CEP89: variants seen among roughly 807,000 people sequenced by gnomAD.
The protein encoded by CEP89 is centrosomal protein 89.
In CEP89, 95 loss-of-function variants were observed where a neutral mutation model predicts 97.6. The observed-to-expected ratio is 0.97, with a 90% CI of 0.82 to 1.15. The LOEUF is 1.15. Among genes scored for constraint, CEP89 ranks in the 50% most tolerant of loss-of-function variants. CEP89 has a pLI of 0.00. For synonymous variants in CEP89, 354 were observed against 349.1 expected (o/e 1.01, Z -0.16); for missense variants, 869 against 947.7 (o/e 0.92, Z 1.09).
intron 10 of CEP89, 101 bp from the exon 11 acceptor site, chr19:32,926,374 C>G: frequency 1.2e-6 from 1 of 839,050 alleles, no homozygotes; most frequent in Admixed American, 2.1e-5. Flanking sequence ...GAAATGGTTT[C>G]TTTGGTTGCA....
chr19:32,933,595 T>C lies in CEP89; in HGVS notation c.742A>G (p.Met248Val), dbSNP rs759108044. The change falls in exon 8 of 19, where the codon ATG (methionine) becomes GTG (valine). Residue 248 changes from methionine (M) to valine (V), a missense_variant. By Grantham distance (21) the Met-to-Val change is conservative (BLOSUM62 1). Coordinates refer to ENST00000305768, the MANE Select transcript of CEP89 (RefSeq NM_032816.5). ...EKFEALKEEN[M>V]DLNNMNQSLT... ...CTTTGATTCATATTGTTTAGGTCCA[T>C]ATTTTCTTCTTTTAATGCCTCAAAC... The C allele has an allele frequency of 6.2e-6, 10 of 1,613,374 alleles. No individual in the cohort carries two copies. In the Admixed American group the frequency reaches 1.3e-4, roughly 22 times the overall value.
intron 16 of CEP89, among the ~76,000 whole-genome samples, chr19:32,898,047 G>A (rs539680869): frequency 6.7e-6 from 1 of 149,966 alleles, no homozygotes; most frequent in Admixed American, 6.6e-5. Flanking sequence ...CACAGGCAAG[G>A]AAATCAGTAT....
chr19:32,918,884 CTTT>C (rs11339528), intron 12 of CEP89, among the ~76,000 whole-genome samples: 6 of 117,642 alleles, frequency 5.1e-5, no homozygotes, highest in Non-Finnish European at 6.9e-5. Context: ...TTTTCTTTTT[CTTT>C]TTTTTTTTTT....
chr19:32,904,566 T>C (rs4805016), intron 14 of CEP89, among the ~76,000 whole-genome samples: 31,570 of 151,290 alleles, frequency 0.21, 3,475 homozygotes, highest in Admixed American at 0.32. Flanking sequence ...TATCATTACC[T>C]TAGTTTTCAA....
intron 3 of CEP89, among the ~76,000 whole-genome samples, chr19:32,959,052 A>C (rs1033403842): frequency 5.3e-5 from 8 of 151,756 alleles, no homozygotes; most frequent in South Asian, 2.1e-4. Context: ...AAAACAAAAA[A>C]AAAAAAAACA....
intron 14 of CEP89, among the ~76,000 whole-genome samples, chr19:32,914,725 AG>A (rs2145906142): frequency 6.6e-6 from 1 of 152,286 alleles, no homozygotes; most frequent in African/African-American, 2.4e-5. Context: ...AGTTATTAAA[AG>A]AAAAAAAAAG....
At position 32,936,628 on chromosome 19, in the gene CEP89, T is replaced by C. The variant is rs139305389; in HGVS notation, c.667+1003A>G. Among the ~76,000 whole-genome samples, 429 of 152,172 alleles carry C rather than the reference T, an allele frequency of 2.8e-3. 3 individuals are homozygous for C. The highest frequency in any genetic ancestry group is 9.7e-3 in the African/African-American group (401 of 41,528). ...AGGCCCATAAAAGCCCTGGGCTTAG[T>C]TGGAGCAGAGCAGATGAGATGACCA... On this transcript the variant is annotated intron_variant, in intron 7 of 18. Transcript: ENST00000305768. This position sits in a 1 kb window ranked among gnomAD's most constrained non-coding sequence, Gnocchi z 4.5.
At chr19:32,961,496 G>A (rs558199142) in intron 2 of CEP89, among the ~76,000 whole-genome samples, 5 of 148,928 alleles carry the variant, frequency 3.4e-5, no homozygotes, top group South Asian at 2.1e-4. Context: ...GGAGAATGGC[G>A]TGAACCTGGG....
chr19:32,921,505 C>T (rs907182239), intron 12 of CEP89, among the ~76,000 whole-genome samples: 8 of 152,242 alleles, frequency 5.3e-5, no homozygotes, highest in African/African-American at 1.9e-4. Context: ...GATTTCAAAT[C>T]CCAACAAATG....
intron 9 of CEP89, 32 bp from the exon 10 acceptor site, chr19:32,927,016 A>G (rs753040328): frequency 6.4e-7 from 1 of 1,569,572 alleles, no homozygotes; most frequent in Non-Finnish European, 8.8e-7. Context: ...AAGACAAGTT[A>G]AACCACACTT....
chr19:32,948,361 A>G lies in CEP89; in HGVS notation c.500T>C (p.Leu167Ser), dbSNP rs925013376. ...YAVPHRNQVP[L>S]LHEVNSEDDE... ...GTCTTCACTGTTCACCTCATGTAAC[A>G]ATGGCACCTTTTTGTTATAAAAGAC... Residue 167 changes from leucine to serine, a missense_variant, in exon 5 of 19, where the codon TTG becomes TCG. By Grantham distance (145) the Leu-to-Ser change is moderately radical (BLOSUM62 -2). Transcript: ENST00000305768. 1 of 1,600,512 alleles carries G rather than the reference A, an allele frequency of 6.2e-7. No homozygotes were observed. The highest frequency in any genetic ancestry group is 8.5e-7 in the Non-Finnish European group (1 of 1,173,136).
At position 32,890,581 on chromosome 19, in the gene CEP89, G is replaced by A. The variant is rs531682184; in HGVS notation, c.1876-2740C>T. 2.2e-4 allele frequency among the ~76,000 whole-genome samples: 34 copies of A among 152,228 alleles called. 1 individual carries two copies. The South Asian group carries it at 5.4e-3, about 24-fold the overall frequency. On this transcript the variant is annotated intron_variant, in intron 16 of 18. Coordinates refer to ENST00000305768, the MANE Select transcript of CEP89 (RefSeq NM_032816.5). Reference sequence around the variant, plus strand: ...GACAGGGGAGGGCTGGGCGGCACCCGCGCAATGAAGGAGAGGGAGACGACA... The same window carrying A: ...GACAGGGGAGGGCTGGGCGGCACCCACGCAATGAAGGAGAGGGAGACGACA...
intron 14 of CEP89, among the ~76,000 whole-genome samples, chr19:32,914,353 G>A (rs1028468215): frequency 3.9e-5 from 6 of 151,966 alleles, no homozygotes; most frequent in African/African-American, 7.2e-5. Flanking sequence ...GTACAGTGGC[G>A]TGATCTCAGC....
chr19:32,937,866 G>A (rs1970610723), intron 6 of CEP89, among the ~76,000 whole-genome samples, 193 bp from the exon 7 acceptor site: 1 of 151,984 alleles, frequency 6.6e-6, no homozygotes, highest in Non-Finnish European at 1.5e-5. Context: ...TTTTAAGACA[G>A]GGTCTTACTC....
intron 5 of CEP89, among the ~76,000 whole-genome samples, chr19:32,943,975 C>T (rs1970741534): frequency 6.6e-6 from 1 of 152,098 alleles, no homozygotes; most frequent in Non-Finnish European, 1.5e-5. Flanking sequence ...TGCCTGTAAT[C>T]CCAGCACTTT....
At chr19:32,942,571 AAG>A (rs1182013372) in intron 5 of CEP89, among the ~76,000 whole-genome samples, 1 of 152,214 alleles carries the variant, frequency 6.6e-6, no homozygotes, top group Non-Finnish European at 1.5e-5. Context: ...TTTTCAGAAA[AAG>A]AGTCTCATAA....
intron 3 of CEP89, among the ~76,000 whole-genome samples, chr19:32,958,942 A>T (rs1157644245): frequency 6.6e-6 from 1 of 151,924 alleles, no homozygotes; most frequent in Non-Finnish European, 1.5e-5. Flanking sequence ...GCTTGAACCC[A>T]GGAGGCGGTG....
Position 32,900,888 on chromosome 19 carries a change from C to CTTTT in CEP89, c.1733+353_1733+356dup, listed in dbSNP as rs34188586. 1.1e-4 allele frequency among the ~76,000 whole-genome samples: 15 copies of CTTTT among 138,168 alleles called. 1 individual carries two copies. The East Asian group carries it at 1.3e-3, about 12-fold the overall frequency. The allele number at this position is 138,168 out of a possible 152,430, so 90.6% of individuals were successfully genotyped here. On this transcript the variant is annotated intron_variant, in intron 15 of 18. Transcript: ENST00000305768. ...ATGAAATGGAATATTCTTCATTTGT[C>CTTTT]TTTTTTTTTTTTTTTGAGACAGGGT...
rs184302876 is a variant in CEP89, at chr19:32,920,098, C to T, written c.1269-1759G>A. ...CCCAGGCAGGACAGGAGTACAGTGG[C>T]GCCATCAGAGCTCACTGTAGCCTTG... On this transcript the variant is annotated intron_variant, in intron 12 of 18. Transcript: ENST00000305768. Among the ~76,000 whole-genome samples the T allele has an allele frequency of 3.3e-3, 501 of 152,260 alleles. 2 individuals carry two copies. Among genetic ancestry groups the T allele is most frequent in the African/African-American group, 0.012 (485 of 41,560 alleles).
Sources: allele counts gnomAD v4.1 joint callset (sites outside exome capture counted in the v4.1 genomes callset), GRCh38; gene constraint gnomAD v4.1.1; non-coding constraint Gnocchi (gnomAD v3.1); transcripts MANE v1.5; gene names NCBI Gene and HGNC (gene_info 2026-07-23, HGNC 2026-07-21).